JARID2: variants seen among roughly 807,000 people sequenced by gnomAD.
JARID2 encodes protein Jumonji.
A neutral mutation model predicts 125.6 loss-of-function variants in JARID2; 21 were observed. The ratio of observed to expected loss-of-function variants is 0.17; its 90% CI spans 0.12 to 0.24. JARID2 has a LOEUF of 0.24. Ranked by LOEUF, JARID2 falls within the 10% of genes least tolerant of loss-of-function variation. JARID2 has a pLI of 1.00. For missense variants in JARID2, 1,303 were observed against 1,639.6 expected (o/e 0.79, Z 3.55); for synonymous variants, 736 against 661.6 (o/e 1.11, Z -1.73).
At chr6:15,380,753 T>C (rs888817437) in intron 2 of JARID2, among the ~76,000 whole-genome samples, 6 of 152,138 alleles carry the variant, frequency 3.9e-5, no homozygotes, top group African/African-American at 1.4e-4. Flanking sequence ...ATTCTTGATG[T>C]GTGTGGAATG....
intron 1 of JARID2, among the ~76,000 whole-genome samples, chr6:15,260,966 CTGAAAT>C (rs2127322849): frequency 6.6e-6 from 1 of 152,282 alleles, no homozygotes; most frequent in South Asian, 2.1e-4. Context: ...ATGAGACTTG[CTGAAAT>C]TGTCATGTTA....
intron 5 of JARID2, among the ~76,000 whole-genome samples, chr6:15,474,182 C>T (rs534028212): frequency 6.6e-6 from 1 of 152,222 alleles, no homozygotes; most frequent in Non-Finnish European, 1.5e-5. Flanking sequence ...AAGAGTATTT[C>T]TGAAGTTACT....
intron 1 of JARID2, among the ~76,000 whole-genome samples, chr6:15,300,868 A>G (rs1250490952): frequency 6.6e-6 from 1 of 152,032 alleles, no homozygotes; most frequent in African/African-American, 2.4e-5. Flanking sequence ...TTGAATTCTT[A>G]CTTGGAAAGT....
chr6:15,413,145 G>C (rs1025337368), intron 3 of JARID2, among the ~76,000 whole-genome samples: 4 of 151,058 alleles, frequency 2.6e-5, no homozygotes, highest in Middle Eastern at 3.4e-3. Flanking sequence ...TCAGCCTTCC[G>C]AGTAGCTGGG....
intron 1 of JARID2, among the ~76,000 whole-genome samples, chr6:15,277,063 A>AT (rs983284724): frequency 4.6e-5 from 7 of 152,150 alleles, no homozygotes; most frequent in East Asian, 1.9e-4. Flanking sequence ...TGCTTTGTTG[A>AT]TTTTTTTCCA....
At chr6:15,331,038 T>C (rs2127455276) in intron 1 of JARID2, among the ~76,000 whole-genome samples, 1 of 152,292 alleles carries the variant, frequency 6.6e-6, no homozygotes, top group South Asian at 2.1e-4. Context: ...AATTAACTAC[T>C]CATTTAATAA....
chr6:15,404,321 A>T (rs1234163288), intron 2 of JARID2, among the ~76,000 whole-genome samples: 3 of 152,226 alleles, frequency 2.0e-5, no homozygotes, highest in South Asian at 2.1e-4. Context: ...GCAGGCCCAA[A>T]GCCAAATCTG....
intron 5 of JARID2, among the ~76,000 whole-genome samples, chr6:15,487,019 C>T (rs1042780244): frequency 2.0e-5 from 3 of 151,894 alleles, no homozygotes; most frequent in African/African-American, 7.3e-5. Context: ...TTGTGGAAGT[C>T]GAAGGGGAAG....
chr6:15,516,563 C>A (rs778642510), intron 16 of JARID2, among the ~76,000 whole-genome samples: 1 of 152,186 alleles, frequency 6.6e-6, no homozygotes, highest in South Asian at 2.1e-4. Flanking sequence ...GGCGTCACAG[C>A]GGTCAGGAAT....
chr6:15,424,623 T>C (rs1042778792), intron 3 of JARID2, among the ~76,000 whole-genome samples: 8 of 152,098 alleles, frequency 5.3e-5, no homozygotes, highest in Non-Finnish European at 8.8e-5. Context: ...TTTGGGGGGC[T>C]GAGTTGGGCG....
intron 2 of JARID2, among the ~76,000 whole-genome samples, chr6:15,388,187 C>A (rs571463012): frequency 6.6e-6 from 1 of 152,138 alleles, no homozygotes; most frequent in Non-Finnish European, 1.5e-5. Flanking sequence ...GGTAGTTTTG[C>A]TGTGCTTGTG....
intron 3 of JARID2, among the ~76,000 whole-genome samples, chr6:15,437,395 C>G (rs1767253353): frequency 6.6e-6 from 1 of 152,280 alleles, no homozygotes; most frequent in African/African-American, 2.4e-5. Context: ...ACCATGAACC[C>G]TTGGCCTCAG....
intron 1 of JARID2, among the ~76,000 whole-genome samples, chr6:15,267,726 A>G (rs965776403): frequency 2.6e-5 from 4 of 152,102 alleles, no homozygotes; most frequent in African/African-American, 4.8e-5. Flanking sequence ...TCTGTCTGCC[A>G]GTGCTTTGTT....
At chr6:15,460,975 G>C (rs988206648) in intron 4 of JARID2, among the ~76,000 whole-genome samples, 3 of 152,148 alleles carry the variant, frequency 2.0e-5, no homozygotes, top group Non-Finnish European at 4.4e-5. Flanking sequence ...AAAGTGCTGG[G>C]ATTACAGGCG....
At position 15,487,518 on chromosome 6, in the gene JARID2, G is replaced by C. The variant is rs1450872963; in HGVS notation, c.882G>C (p.Arg294=). The part of the protein sequence containing the change: ...AATHHHPPLH[R]SAQDLRKQVS... ...CCCATCACCACCCCCCTCTGCATCG[G>C]TCGGCTCAGGACTTACGGAAACAGG... Residue 294 remains arginine (R), a synonymous_variant, in exon 6 of 18, where the codon CGG becomes CGC. Transcript: ENST00000341776. 6.2e-7 allele frequency: 1 copy of C among 1,613,308 alleles called. No homozygotes were observed. The highest frequency in any genetic ancestry group is 1.7e-5 in the Admixed American group (1 of 59,990).
intron 1 of JARID2, among the ~76,000 whole-genome samples, chr6:15,303,909 C>A (rs1761719101): frequency 2.0e-5 from 3 of 152,090 alleles, no homozygotes; most frequent in Admixed American, 2.0e-4. Context: ...AGCATTAAAC[C>A]CAGGGCATAA....
At chr6:15,340,362 C>CA (rs1763026276) in intron 1 of JARID2, among the ~76,000 whole-genome samples, 1 of 152,208 alleles carries the variant, frequency 6.6e-6, no homozygotes, top group African/African-American at 2.4e-5. Flanking sequence ...GCCTGATTCT[C>CA]AATCTGTGAC....
intron 5 of JARID2, among the ~76,000 whole-genome samples, chr6:15,479,268 GCCAAGAAGC>G (rs1769498726): frequency 6.6e-6 from 1 of 152,208 alleles, no homozygotes; most frequent in Admixed American, 6.5e-5. Context: ...GGCCAAGAGG[GCCAAGAAGC>G]CATTTTTCAA....
rs747291227 is a variant in JARID2, at chr6:15,496,490, T to TG, written c.1272dup (p.Arg425AlafsTer99). On this transcript the variant is annotated frameshift_variant, in exon 7 of 18. Coordinates refer to ENST00000341776, the MANE Select transcript of JARID2 (RefSeq NM_004973.4). LOFTEE classifies it high-confidence loss of function. ...AACCCAAAGTCATGCACTAAGGAGG[T>TG]GGGGGGGCGGCAGCTGCGGGAGGGC... The TG allele has an allele frequency of 5.0e-6, 8 of 1,584,190 alleles. No individual in the cohort carries two copies. Among genetic ancestry groups the TG allele is most frequent in the Admixed American group, 1.7e-5 (1 of 58,600 alleles).
Sources: gnomAD v4.1 joint callset for allele counts (sites outside exome capture counted in the v4.1 genomes callset) on GRCh38, gnomAD v4.1.1 for gene constraint, MANE v1.5 for transcripts, NCBI Gene and HGNC (gene_info 2026-07-23, HGNC 2026-07-21) for gene names.